The following SMARCC1 variants were observed in gnomAD, a reference collection of about 807,000 sequenced individuals.
SMARCC1 encodes SWI/SNF complex subunit SMARCC1.
In SMARCC1, 43 loss-of-function variants were observed where a neutral mutation model predicts 147.4. The ratio of observed to expected loss-of-function variants is 0.29; its 90% CI spans 0.23 to 0.38. The LOEUF (loss-of-function observed/expected upper bound fraction) is 0.38, where lower values mean the gene tolerates loss of function less well. Among genes scored for constraint, SMARCC1 ranks in the 10% least tolerant of loss-of-function variants. SMARCC1 has a pLI of 1.00. For missense variants in SMARCC1, 1,119 were observed against 1,381.1 expected, an observed-to-expected ratio of 0.81 and a Z score of 3.01; for synonymous variants, 495 against 484.4, an observed-to-expected ratio of 1.02 and a Z score of -0.29.
chr3:47,724,861 A>T (rs1426892371), intron 6 of SMARCC1, among the ~76,000 whole-genome samples: 1 of 151,966 alleles, frequency 6.6e-6, no homozygotes, highest in African/African-American at 2.4e-5. Flanking sequence ...GGAGTTTGAA[A>T]CCAGCCTTGG....
At chr3:47,670,534 C>A (rs1054098194) in intron 19 of SMARCC1, 124 bp downstream of exon 19, 2 of 695,448 alleles carry the variant, frequency 2.9e-6, no homozygotes, top group Non-Finnish European at 5.3e-6. Flanking sequence ...CACTGAGCTA[C>A]CATCAGGCCA....
At chr3:47,707,846 T>C (rs1357947333) in intron 9 of SMARCC1, among the ~76,000 whole-genome samples, 1 of 152,160 alleles carries the variant, frequency 6.6e-6, no homozygotes, top group African/African-American at 2.4e-5. Flanking sequence ...AACACTGCAC[T>C]TCAGCCTAGG....
chr3:47,708,101 T>C (rs972741569), intron 9 of SMARCC1, among the ~76,000 whole-genome samples: 16 of 117,936 alleles, frequency 1.4e-4, no homozygotes, highest in Non-Finnish European at 1.7e-4. Flanking sequence ...TTTTTTTTTT[T>C]TTTTTTTTTT....
intron 21 of SMARCC1, among the ~76,000 whole-genome samples, chr3:47,647,359 T>G (rs1202958746): frequency 2.0e-5 from 3 of 152,230 alleles, no homozygotes; most frequent in Non-Finnish European, 4.4e-5. Context: ...GTTAGCAAGC[T>G]TTGTGTTACA....
chr3:47,744,442 T>C (rs2034544269), intron 3 of SMARCC1, among the ~76,000 whole-genome samples: 1 of 152,182 alleles, frequency 6.6e-6, no homozygotes, highest in Non-Finnish European at 1.5e-5. Flanking sequence ...TAAATACACA[T>C]GTAAGTTTGT....
At chr3:47,678,846 G>C (rs2106759138) in intron 15 of SMARCC1, among the ~76,000 whole-genome samples, 1 of 152,350 alleles carries the variant, frequency 6.6e-6, no homozygotes, top group East Asian at 1.9e-4. Context: ...CAGTGTGGTA[G>C]CTCTTCAATC....
rs570402535 is a variant in SMARCC1 at position 47,769,165 on chromosome 3, C to T, written c.315+3652G>A. Among the ~76,000 whole-genome samples, 188 of 140,780 alleles carry T rather than the reference C, an allele frequency of 1.3e-3. 1 individual carries two copies. Among genetic ancestry groups the T allele is most frequent in the Admixed American group, 2.3e-3 (30 of 13,120 alleles). The allele number at this position is 140,780 out of a possible 152,430, so 92.4% of individuals were successfully genotyped here. On this transcript the variant is annotated intron_variant, in intron 2 of 27. Coordinates refer to ENST00000254480, the MANE Select transcript of SMARCC1 (RefSeq NM_003074.4). ...GGCGGAGGCTGCAGTGAGCCGAGAT[C>T]GCACCACTGTACTCCAGCCTGGATG...
At chr3:47,614,066 C>A (rs1027242587) in intron 25 of SMARCC1, among the ~76,000 whole-genome samples, 1 of 152,160 alleles carries the variant, frequency 6.6e-6, no homozygotes, top group Non-Finnish European at 1.5e-5. Flanking sequence ...AGACTTGAAG[C>A]CTCAGAGCTA....
chr3:47,737,727 C>T (rs2106830957), intron 4 of SMARCC1, among the ~76,000 whole-genome samples: 1 of 152,220 alleles, frequency 6.6e-6, no homozygotes, highest in Middle Eastern at 3.4e-3. Flanking sequence ...GCAATCTCGG[C>T]TCACTGCAAG....
chr3:47,693,484 A>T (rs1157530693), intron 11 of SMARCC1, among the ~76,000 whole-genome samples, 184 bp from the exon 12 acceptor site: 4 of 152,198 alleles, frequency 2.6e-5, no homozygotes, highest in Non-Finnish European at 4.4e-5. Context: ...TATTCTCATT[A>T]CCCAAGCACC....
chr3:47,759,511 C>T (rs1436431639), intron 2 of SMARCC1, among the ~76,000 whole-genome samples: 1 of 146,092 alleles, frequency 6.8e-6, no homozygotes, highest in East Asian at 2.1e-4. Context: ...ATCCCAGCTA[C>T]TCGGGAGGCT....
At chr3:47,644,285 A>G (rs2033090095) in intron 21 of SMARCC1, among the ~76,000 whole-genome samples, 1 of 152,152 alleles carries the variant, frequency 6.6e-6, no homozygotes, top group South Asian at 2.1e-4. Context: ...GTTCGAGACC[A>G]GCCTGGTCAA....
chr3:47,744,072 G>T (rs2034539114), intron 3 of SMARCC1, among the ~76,000 whole-genome samples: 1 of 152,118 alleles, frequency 6.6e-6, no homozygotes, highest in Admixed American at 6.6e-5. Flanking sequence ...CATCGTGAGA[G>T]GTCCAACATC....
intron 21 of SMARCC1, among the ~76,000 whole-genome samples, chr3:47,657,008 C>T (rs1450226176): frequency 1.3e-5 from 2 of 151,956 alleles, no homozygotes; most frequent in East Asian, 1.9e-4. Context: ...CTTTAAGACA[C>T]AAAACGTTAT....
chr3:47,771,987 G>A (rs2034919520), intron 2 of SMARCC1, among the ~76,000 whole-genome samples: 3 of 151,140 alleles, frequency 2.0e-5, no homozygotes, highest in South Asian at 4.2e-4. Context: ...GAGTCTTGAG[G>A]CACAAGAATC....
chr3:47,590,258 A>G (rs775675752), intron 27 of SMARCC1, among the ~76,000 whole-genome samples: 2 of 152,242 alleles, frequency 1.3e-5, no homozygotes, highest in Non-Finnish European at 2.9e-5. Context: ...TTCCAGCTCT[A>G]AACTCACTTC....
intron 21 of SMARCC1, among the ~76,000 whole-genome samples, chr3:47,650,836 T>G (rs983075292): frequency 2.0e-5 from 3 of 151,706 alleles, no homozygotes; most frequent in Non-Finnish European, 2.9e-5. Flanking sequence ...TAAAAATAAA[T>G]AAAGAAAAGT....
At chr3:47,697,451 G>A (rs1310055561) in intron 11 of SMARCC1, among the ~76,000 whole-genome samples, 3 of 151,388 alleles carry the variant, frequency 2.0e-5, no homozygotes, top group African/African-American at 7.3e-5. Flanking sequence ...ACAGGTATGC[G>A]CCACCACGCC....
chr3:47,590,338 AC>A (rs538078727), intron 27 of SMARCC1, among the ~76,000 whole-genome samples: 124 of 152,274 alleles, frequency 8.1e-4, no homozygotes, highest in African/African-American at 2.8e-3. Flanking sequence ...GAAAACCACC[AC>A]CAGTAGCTCT....
Sources: gnomAD v4.1 joint callset for allele counts (sites outside exome capture counted in the v4.1 genomes callset) on GRCh38, gnomAD v4.1.1 for gene constraint, MANE v1.5 for transcripts, NCBI Gene and HGNC (gene_info 2026-07-23, HGNC 2026-07-21) for gene names.